SUMF1: variants seen among roughly 807,000 people sequenced by gnomAD.
The protein encoded by SUMF1 is sulfatase modifying factor 1.
In SUMF1, 48 loss-of-function variants were observed where a neutral mutation model predicts 47.6. The observed-to-expected ratio is 1.01, with a 90% CI of 0.80 to 1.28. The LOEUF is 1.28. SUMF1 is among the 50% of genes most tolerant of loss of function. The pLI is 0.00. For synonymous variants in SUMF1, 230 were observed against 192.1 expected (o/e 1.20, Z -1.63); for missense variants, 571 against 485.4 (o/e 1.18, Z -1.66).
At chr3:4,034,786 G>A (rs932527758) in intron 9 of SUMF1, among the ~76,000 whole-genome samples, 1 of 152,094 alleles carries the variant, frequency 6.6e-6, no homozygotes, top group East Asian at 1.9e-4. Context: ...ATACATAGAG[G>A]TAGGTATAAG....
Position 4,097,633 on chromosome 3 carries a change from C to T in SUMF1, c.1015-28888G>A, listed in dbSNP as rs373085763. On this transcript the variant is annotated intron_variant and NMD_transcript_variant, in intron 8 of 12. Transcript: ENST00000448413. ...ATTTTTTGCCTTCCAATTCACAACG[C>T]ATGTGTTCTTCCTTTTAATATCAAG... Among the ~76,000 whole-genome samples, 15 of 152,212 alleles carry T rather than the reference C, an allele frequency of 9.9e-5. 3 individuals carry two copies. The highest frequency in any genetic ancestry group is 6.5e-5 in the Admixed American group (1 of 15,298).
intron 3 of SUMF1, among the ~76,000 whole-genome samples, chr3:4,422,574 A>ATCC (rs1489588060): frequency 2.6e-5 from 4 of 152,088 alleles, no homozygotes; most frequent in African/African-American, 9.7e-5. Flanking sequence ...GGCTATTATG[A>ATCC]ATAGTACTGC....
intron 1 of SUMF1, among the ~76,000 whole-genome samples, chr3:4,456,692 GTATA>G (rs1432479615): frequency 2.3e-5 from 3 of 131,130 alleles, no homozygotes; most frequent in Admixed American, 7.8e-5. Flanking sequence ...ATATATGTGT[GTATA>G]TATATATACG....
Position 4,278,711 on chromosome 3 carries a change from T to C in SUMF1, c.1014+97619A>G, listed in dbSNP as rs1389855947. On this transcript the variant is annotated intron_variant and NMD_transcript_variant, in intron 8 of 12. Coordinates refer to the SUMF1 transcript ENST00000448413. ...AATTAACAAGCAAAAAGCAAGCTTA[T>C]TTGTCACATCGATGGCAGTGAGTCT... 2.6e-5 allele frequency among the ~76,000 whole-genome samples: 4 copies of C among 152,166 alleles called. 1 individual carries two copies. The highest frequency in any genetic ancestry group is 5.9e-5 in the Non-Finnish European group (4 of 68,006).
At chr3:4,249,378 C>T (rs1325249329) in intron 8 of SUMF1, among the ~76,000 whole-genome samples, 2 of 151,980 alleles carry the variant, frequency 1.3e-5, no homozygotes, top group African/African-American at 4.8e-5. Context: ...TCATTTTCTC[C>T]AACAGCATAT....
At chr3:4,143,280 G>A (rs1694114779) in intron 8 of SUMF1, among the ~76,000 whole-genome samples, 1 of 152,106 alleles carries the variant, frequency 6.6e-6, no homozygotes, top group African/African-American at 2.4e-5. Flanking sequence ...ACAGACCAGT[G>A]CAGAAAAGTT....
Position 4,181,118 on chromosome 3 carries a change from C to T in SUMF1, c.1015-112373G>A, listed in dbSNP as rs956896637. Among the ~76,000 whole-genome samples the T allele has an allele frequency of 2.2e-4, 34 of 152,272 alleles. No individual in the cohort carries two copies. The Middle Eastern group carries it at 0.014, about 61-fold the overall frequency. On this transcript the variant is annotated intron_variant and NMD_transcript_variant, in intron 8 of 12. Coordinates refer to the SUMF1 transcript ENST00000448413. The stretch of plus-strand genomic sequence containing the variant: ...ACATAGAGGATAGTGGAAGAAAAGA[C>T]TAGTGTGCCATCAAGGGTGTCTCCC...
At chr3:4,249,679 C>G (rs1249837307) in intron 8 of SUMF1, among the ~76,000 whole-genome samples, 1 of 152,108 alleles carries the variant, frequency 6.6e-6, no homozygotes, top group African/African-American at 2.4e-5. Context: ...CTAAAATGGC[C>G]TCTAAGTTTT....
At chr3:4,102,759 T>C (rs1230972383) in intron 8 of SUMF1, among the ~76,000 whole-genome samples, 1 of 151,888 alleles carries the variant, frequency 6.6e-6, no homozygotes, top group South Asian at 2.1e-4. Flanking sequence ...CAGGATTTGA[T>C]AGGTGCTTGA....
chr3:4,291,264 T>C (rs985457394), intron 8 of SUMF1, among the ~76,000 whole-genome samples: 13 of 152,172 alleles, frequency 8.5e-5, no homozygotes, highest in African/African-American at 2.9e-4. Context: ...AGCTTAACAA[T>C]AGGCCAGATC....
chr3:4,312,762 G>A (rs1698460394), intron 8 of SUMF1: 1 of 924,250 alleles, frequency 1.1e-6, no homozygotes, highest in Non-Finnish European at 1.6e-6. Context: ...CAATATCTTA[G>A]TATGCTGTGT....
At chr3:4,313,080 G>C (rs1698479714) in intron 8 of SUMF1, 2 of 1,613,944 alleles carry the variant, frequency 1.2e-6, no homozygotes, top group East Asian at 2.2e-5. Context: ...AGTATGCAGA[G>C]CCTGTTTTTG....
At chr3:4,462,817 T>C (rs905884862) in intron 1 of SUMF1, among the ~76,000 whole-genome samples, 1 of 152,214 alleles carries the variant, frequency 6.6e-6, no homozygotes, top group South Asian at 2.1e-4. Flanking sequence ...TATTTATCTA[T>C]ACCATTCTGT....
At chr3:4,211,862 C>G (rs1266549548) in intron 8 of SUMF1, among the ~76,000 whole-genome samples, 1 of 152,148 alleles carries the variant, frequency 6.6e-6, no homozygotes, top group Non-Finnish European at 1.5e-5. Context: ...AGCAAGGCCT[C>G]CGCAGCCAAA....
intron 8 of SUMF1, among the ~76,000 whole-genome samples, chr3:4,107,984 T>C (rs976776465): frequency 6.6e-6 from 1 of 152,040 alleles, no homozygotes; most frequent in Non-Finnish European, 1.5e-5. Context: ...AGGAAAGAGA[T>C]GGAAACTAGA....
chr3:4,466,101 A>C (rs1186724172), intron 1 of SUMF1, among the ~76,000 whole-genome samples: 1 of 151,990 alleles, frequency 6.6e-6, no homozygotes, highest in African/African-American at 2.4e-5. Context: ...TTGAAGTAAC[A>C]GTTATTTCTT....
chr3:4,307,810 G>C (rs1354412375), intron 8 of SUMF1, among the ~76,000 whole-genome samples: 1 of 152,182 alleles, frequency 6.6e-6, no homozygotes, highest in East Asian at 1.9e-4. Context: ...GCCAAGGCGG[G>C]AGAATCACTT....
intron 1 of SUMF1, among the ~76,000 whole-genome samples, chr3:4,459,491 T>C (rs2079754356): frequency 1.3e-5 from 2 of 152,310 alleles, no homozygotes; most frequent in South Asian, 2.1e-4. Flanking sequence ...TCCACAGTCA[T>C]TGATTCTACT....
At chr3:4,114,864 T>C (rs1693386082) in intron 8 of SUMF1, among the ~76,000 whole-genome samples, 1 of 152,166 alleles carries the variant, frequency 6.6e-6, no homozygotes, top group African/African-American at 2.4e-5. Context: ...TTAAAATATG[T>C]AGCCTTTATT....
Sources: allele counts gnomAD v4.1 joint callset (sites outside exome capture counted in the v4.1 genomes callset), GRCh38; gene constraint gnomAD v4.1.1; transcripts MANE v1.5; gene names NCBI Gene and HGNC (gene_info 2026-07-23, HGNC 2026-07-21).